Variants in CLASP1 observed in about 807,000 individuals in gnomAD.
The protein encoded by CLASP1 is cytoplasmic linker associated protein 1.
A neutral mutation model predicts 192.3 loss-of-function variants in CLASP1; 38 were observed. That is an observed-to-expected ratio of 0.20 (90% CI 0.15 to 0.26). CLASP1 has a LOEUF of 0.26. Ranked by LOEUF, CLASP1 falls within the 10% of genes least tolerant of loss-of-function variation. CLASP1 has a pLI of 1.00. For missense variants in CLASP1, 1,433 were observed against 1,932.5 expected (o/e 0.74, Z 4.85); for synonymous variants, 691 against 712.8 (o/e 0.97, Z 0.49).
intron 32 of CLASP1, among the ~76,000 whole-genome samples, chr2:121,384,667 G>A (rs1184962488): frequency 6.6e-6 from 1 of 152,150 alleles, no homozygotes; most frequent in Non-Finnish European, 1.5e-5. Flanking sequence ...ATGTTGGGAG[G>A]CAGAGGTGGG....
At chr2:121,438,730 G>A (rs2082742597) in intron 19 of CLASP1, among the ~76,000 whole-genome samples, 2 of 151,970 alleles carry the variant, frequency 1.3e-5, no homozygotes, top group Admixed American at 6.6e-5. Flanking sequence ...GATTCGTTTT[G>A]CCAGTATTTT....
intron 36 of CLASP1, 193 bp downstream of exon 37, chr2:121,364,895 AAGCAGC>A (rs1475367487): frequency 1.6e-6 from 1 of 608,594 alleles, no homozygotes; most frequent in African/African-American, 1.8e-5. Context: ...CACGTAAGCC[AAGCAGC>A]AGCTTGTTGC....
chr2:121,369,626 G>A (rs982036740), intron 34 of CLASP1, among the ~76,000 whole-genome samples: 2 of 152,114 alleles, frequency 1.3e-5, no homozygotes, highest in Admixed American at 6.5e-5. Context: ...CAGGCTTTAC[G>A]CAGCAGGAAC....
intron 8 of CLASP1, among the ~76,000 whole-genome samples, chr2:121,478,008 T>C (rs920935973): frequency 6.6e-6 from 1 of 152,196 alleles, no homozygotes; most frequent in Non-Finnish European, 1.5e-5. Context: ...CTGCATATGT[T>C]TGCTTACTTA....
At chr2:121,605,741 T>A (rs1237130812) in exon 2 of CLASP1, 2 of 1,613,884 alleles carry the variant, frequency 1.2e-6, no homozygotes, top group Non-Finnish European at 1.7e-6. Context: ...AGCAAGTCCA[T>A]CCACAAGTTT....
chr2:121,363,789 G>A (rs2066857522), intron 36 of CLASP1, among the ~76,000 whole-genome samples: 1 of 152,188 alleles, frequency 6.6e-6, no homozygotes, highest in Non-Finnish European at 1.5e-5. Context: ...GACCTTCCAT[G>A]TGATGAGATC....
chr2:121,522,101 A>G (rs759759267), intron 6 of CLASP1, among the ~76,000 whole-genome samples: 7 of 152,194 alleles, frequency 4.6e-5, no homozygotes, highest in Admixed American at 1.3e-4. Flanking sequence ...GAAGGGAGAC[A>G]TGGATTGATT....
chr2:121,571,943 C>T (rs2105420783), intron 2 of CLASP1, among the ~76,000 whole-genome samples: 1 of 151,618 alleles, frequency 6.6e-6, no homozygotes, highest in Non-Finnish European at 1.5e-5. Flanking sequence ...AGAAAGCTCA[C>T]CTGTAAAAGA....
At position 121,610,777 on chromosome 2, in the gene CLASP1, GAGGAGGAAGAGTTAC is replaced by G. The variant is rs2065245841; in HGVS notation, c.-285-4612_-285-4598del. ...GTTACAGGAGGAAGAGGAACTGGAG[GAGGAGGAAGAGTTAC>G]AGGAGGAAGAGGAACTGGAGCAGGA... On this transcript the variant is annotated intron_variant, in intron 1 of 39. Coordinates refer to ENST00000263710, the Ensembl canonical transcript of CLASP1. 2.1e-5 allele frequency among the ~76,000 whole-genome samples: 3 copies of G among 142,604 alleles called. No homozygotes were observed. The South Asian group carries it at 6.8e-4, about 32-fold the overall frequency. 93.6% of individuals were successfully genotyped at this position (142,604 alleles called of 152,430 possible). A position where few individuals can be genotyped will look rare whatever the true frequency, so the allele number is the denominator to read the frequency against.
intron 19 of CLASP1, among the ~76,000 whole-genome samples, chr2:121,432,284 A>G (rs1269536549): frequency 6.6e-6 from 1 of 151,988 alleles, no homozygotes; most frequent in Non-Finnish European, 1.5e-5. Flanking sequence ...ACACCTGGCT[A>G]ATTTTTGTAT....
At chr2:121,457,843 A>C in intron 13 of CLASP1, 86 bp from the exon 14 acceptor site, 1 of 861,210 alleles carries the variant, frequency 1.2e-6, no homozygotes, top group Non-Finnish European at 1.9e-6. Flanking sequence ...TTACTAACCT[A>C]CTTATAGCAC....
chr2:121,445,818 G>C (rs1373824699), intron 19 of CLASP1, among the ~76,000 whole-genome samples: 1 of 152,116 alleles, frequency 6.6e-6, no homozygotes, highest in African/African-American at 2.4e-5. Flanking sequence ...GTCTATACCA[G>C]CCATATTCAA....
chr2:121,487,381 C>T (rs781142649), intron 8 of CLASP1, among the ~76,000 whole-genome samples: 22 of 152,080 alleles, frequency 1.4e-4, no homozygotes, highest in Admixed American at 6.6e-4. Flanking sequence ...AAAAGATTTT[C>T]TTAAAGCACA....
At chr2:121,535,098 C>T (rs1450816500) in intron 2 of CLASP1, among the ~76,000 whole-genome samples, 4 of 152,110 alleles carry the variant, frequency 2.6e-5, no homozygotes, top group Non-Finnish European at 4.4e-5. Flanking sequence ...GGCAACGTGG[C>T]GAAATGCCAC....
At position 121,470,293 on chromosome 2, in the gene CLASP1, C is replaced by CTTTTT. The variant is rs70954550; in HGVS notation, c.713-338_713-334dup. ...TCTGCAACATTTCTGACCATCCATG[C>CTTTTT]TTTTTTTTTTTTTTTTTTTTTTTTT... On this transcript the variant is annotated intron_variant, in intron 8 of 39. Coordinates refer to ENST00000263710, the Ensembl canonical transcript of CLASP1. The CTTTTT allele has an allele frequency of 4.5e-3, 1,387 of 308,908 alleles. 105 individuals carry two copies. Among genetic ancestry groups the CTTTTT allele is most frequent in the East Asian group, 5.8e-3 (58 of 10,048 alleles). 19.1% of individuals were successfully genotyped at this position (308,908 alleles called of 1,614,324 possible).
intron 22 of CLASP1, among the ~76,000 whole-genome samples, chr2:121,423,931 T>C (rs1056497917): frequency 6.6e-6 from 1 of 152,240 alleles, no homozygotes; most frequent in African/African-American, 2.4e-5. Context: ...TCTACCAGTC[T>C]CTGCCCCCAA....
rs1401258342 is a variant in CLASP1 at position 121,503,122 on chromosome 2, TG to T, written c.712+44del. 9.3e-6 allele frequency: 11 copies of T among 1,188,872 alleles called. No homozygotes were observed. The East Asian group carries it at 2.5e-4, about 28-fold the overall frequency. 73.6% of individuals were successfully genotyped at this position (1,188,872 alleles called of 1,614,324 possible). A position where few individuals can be genotyped will look rare whatever the true frequency, so the allele number is the denominator to read the frequency against. On this transcript the variant is annotated intron_variant, in intron 8 of 39. Transcript: ENST00000263710. ...TCACATATAACATAAATGATGCGAATGTAAAACTGAAAAAGCAAAAGTAGGG... is the reference window on the plus strand; with the variant it reads ...TCACATATAACATAAATGATGCGAATTAAAACTGAAAAAGCAAAAGTAGGG...
At chr2:121,417,742 CAGA>C (rs763742023) in intron 23 of CLASP1, among the ~76,000 whole-genome samples, 2 of 152,154 alleles carry the variant, frequency 1.3e-5, no homozygotes, top group African/African-American at 4.8e-5. Flanking sequence ...GAAAAAAGAT[CAGA>C]AGAAGTGAAT....
chr2:121,367,757 T>C lies in CLASP1; in HGVS notation c.3717A>G (p.Thr1239=), dbSNP rs751922581. The C allele has an allele frequency of 4.3e-6, 7 of 1,613,830 alleles. No homozygotes were observed. In the African/African-American group the frequency reaches 9.3e-5, roughly 22 times the overall value. Residue 1239 remains threonine (T), a synonymous_variant, in exon 35 of 40, where the codon ACA becomes ACG. Coordinates refer to ENST00000263710, the Ensembl canonical transcript of CLASP1. ...GTAGTGAGGTCTTGTTATCCAGAGC[T>C]GTCCGGCCTCCTTCTACTTCACTAC...
Sources: gnomAD v4.1 joint callset for allele counts (sites outside exome capture counted in the v4.1 genomes callset) on GRCh38, gnomAD v4.1.1 for gene constraint, MANE v1.5 for transcripts, NCBI Gene and HGNC (gene_info 2026-07-23, HGNC 2026-07-21) for gene names.